ADGB: variants seen among roughly 807,000 people sequenced by gnomAD.
ADGB encodes the protein calpain-7-like protein.
In ADGB, 172 loss-of-function variants were observed where a neutral mutation model predicts 210.5. The observed-to-expected ratio is 0.82, with a 90% confidence interval of 0.72 to 0.93. The LOEUF (loss-of-function observed/expected upper bound fraction) is 0.93, where lower values mean the gene tolerates loss of function less well. Among genes scored for constraint, ADGB ranks in the 40% least tolerant of loss-of-function variants. The probability of loss-of-function intolerance (pLI) is 0.00; values close to 1 mark genes in which losing one functional copy is unlikely to be tolerated. For synonymous variants in ADGB, 658 were observed against 662.7 expected, an observed-to-expected ratio of 0.99 and a Z score of 0.11; for missense variants, 2,025 against 1,964.8, an observed-to-expected ratio of 1.03 and a Z score of -0.58.
intron 26 of ADGB, 50 bp downstream of exon 26, chr6:146,746,159 AT>A: frequency 7.8e-7 from 1 of 1,286,838 alleles, no homozygotes; most frequent in Non-Finnish European, 1.1e-6. Flanking sequence ...AAATATTAAT[AT>A]TTTAGGATAA....
intron 16 of ADGB, among the ~76,000 whole-genome samples, chr6:146,717,862 T>C (rs1287157925): frequency 6.6e-6 from 1 of 152,192 alleles, no homozygotes; most frequent in Non-Finnish European, 1.5e-5. Flanking sequence ...AAATTTGAAT[T>C]ATGAAAAAAT....
At chr6:146,639,983 T>C (rs1375845553) in intron 2 of ADGB, among the ~76,000 whole-genome samples, 1 of 151,890 alleles carries the variant, frequency 6.6e-6, no homozygotes, top group African/African-American at 2.4e-5. Flanking sequence ...GGAGTTGTTT[T>C]TTGAAAAAAT....
intron 27 of ADGB, among the ~76,000 whole-genome samples, chr6:146,763,608 C>T (rs1032312022): frequency 2.2e-4 from 33 of 152,048 alleles, no homozygotes; most frequent in Admixed American, 5.2e-4. Context: ...CAGTGTCTGG[C>T]GTTAGCTTAG....
At chr6:146,807,309 TAAG>T in intron 35 of ADGB, 1 of 1,321,124 alleles carries the variant, frequency 7.6e-7, no homozygotes, top group South Asian at 1.4e-5. Flanking sequence ...TGTGTGGGCA[TAAG>T]GACAGGCTAA....
chr6:146,785,502 T>C (rs1777859792), intron 31 of ADGB, 108 bp from the exon 32 acceptor site: 2 of 735,926 alleles, frequency 2.7e-6, no homozygotes, highest in Admixed American at 4.8e-5. Context: ...CCCTATTTAA[T>C]TCACATTTTC....
chr6:146,753,828 T>A (rs1019232234), intron 27 of ADGB, among the ~76,000 whole-genome samples: 1 of 151,920 alleles, frequency 6.6e-6, no homozygotes, highest in African/African-American at 2.4e-5. Context: ...ATCATAATCA[T>A]AACTTTGTAT....
At chr6:146,750,812 T>C (rs1444551029) in intron 26 of ADGB, among the ~76,000 whole-genome samples, 2 of 152,122 alleles carry the variant, frequency 1.3e-5, no homozygotes, top group African/African-American at 4.8e-5. Context: ...AGCTAATTTC[T>C]CTGTATTTTT....
chr6:146,646,447 C>T (rs1439566099), intron 3 of ADGB, among the ~76,000 whole-genome samples: 1 of 152,044 alleles, frequency 6.6e-6, no homozygotes, highest in Non-Finnish European at 1.5e-5. Context: ...ATAAGAGCCC[C>T]AAACTAAAGT....
In ADGB at chr6:146,740,521, C is replaced by T. The variant is rs1464120729; in HGVS notation, c.2951C>T (p.Thr984Ile). ...ESYPCYQDEE[T>I]KIAFADYTVT... ...TATCCATGCTATCAAGATGAAGAAA[C>T]TAAGATTGCTTTTGCAGATTATACT... Residue 984 changes from threonine (T) to isoleucine (I), a missense_variant, in exon 24 of 36, where the codon ACT becomes ATT. Transcript: ENST00000397944. 1.3e-6 allele frequency: 2 copies of T among 1,549,924 alleles called. No individual in the cohort carries two copies. The highest frequency in any genetic ancestry group is 8.7e-7 in the Non-Finnish European group (1 of 1,145,820).
chr6:146,782,214 T>C (rs1287193334), intron 30 of ADGB, 22 bp downstream of exon 30: 2 of 1,498,668 alleles, frequency 1.3e-6, no homozygotes, highest in South Asian at 1.4e-5. Context: ...ATTTTTTTTA[T>C]TTGAGTGACT....
chr6:146,803,329 C>A (rs1778160317), intron 35 of ADGB: 1 of 1,608,804 alleles, frequency 6.2e-7, no homozygotes, highest in African/African-American at 1.3e-5. Context: ...GAACCAGAAT[C>A]ACTGGAGTTA....
intron 14 of ADGB, among the ~76,000 whole-genome samples, chr6:146,716,599 C>A (rs1308750841): frequency 9.4e-4 from 63 of 66,802 alleles, no homozygotes; most frequent in South Asian, 2.0e-3. Flanking sequence ...GACTCCGTCT[C>A]AAAAAAAAAA....
intron 3 of ADGB, among the ~76,000 whole-genome samples, chr6:146,646,205 T>TAA (rs1775608602): frequency 6.6e-6 from 1 of 152,090 alleles, no homozygotes; most frequent in Non-Finnish European, 1.5e-5. Flanking sequence ...ATTCCCCCTT[T>TAA]CCTTTTTGGG....
rs74467626 is a variant in ADGB at position 146,749,330 on chromosome 6, C to G, written c.3366-3200C>G. ...AGACATTGATTTGGGAGTCATTATTCTGTTACTGCTCATGGAAGTGCCCAG... is the reference window on the plus strand; with the variant it reads ...AGACATTGATTTGGGAGTCATTATTGTGTTACTGCTCATGGAAGTGCCCAG... On this transcript the variant is annotated intron_variant, in intron 26 of 35. Coordinates refer to ENST00000397944, the MANE Select transcript of ADGB (RefSeq NM_024694.4). 4.7e-3 allele frequency among the ~76,000 whole-genome samples: 712 copies of G among 152,200 alleles called. 1 individual carries two copies. Among genetic ancestry groups the G allele is most frequent in the African/African-American group, 0.016 (666 of 41,530 alleles).
intron 3 of ADGB, among the ~76,000 whole-genome samples, chr6:146,645,833 C>T (rs1775602113): frequency 1.3e-5 from 2 of 151,542 alleles, no homozygotes; most frequent in African/African-American, 4.8e-5. Flanking sequence ...TTTTGAATGC[C>T]TACTTATAAG....
chr6:146,627,946 G>A lies in ADGB; in HGVS notation c.75-7429G>A, dbSNP rs1373941069. Among the ~76,000 whole-genome samples the A allele has an allele frequency of 3.9e-5, 6 of 152,006 alleles. No individual in the cohort carries two copies. The East Asian group carries it at 7.7e-4, about 20-fold the overall frequency. ...CTCATCTTTCAGGGACCAATGACCC[G>A]CATCATTTCATGACCATGTCTTTAA... On this transcript the variant is annotated intron_variant, in intron 1 of 35. Transcript: ENST00000397944.
At chr6:146,707,816 A>T (rs1356529652) in intron 13 of ADGB, among the ~76,000 whole-genome samples, 1 of 152,044 alleles carries the variant, frequency 6.6e-6, no homozygotes, top group East Asian at 1.9e-4. Context: ...TTGATTGGAG[A>T]ATCTAATCCA....
At chr6:146,692,495 A>G (rs1776343920) in intron 11 of ADGB, among the ~76,000 whole-genome samples, 1 of 152,144 alleles carries the variant, frequency 6.6e-6, no homozygotes, top group Admixed American at 6.6e-5. Context: ...TTTTTTTAGT[A>G]AAAGACTTTT....
intron 12 of ADGB, among the ~76,000 whole-genome samples, chr6:146,696,198 C>G (rs1776400328): frequency 6.6e-6 from 1 of 151,994 alleles, no homozygotes; most frequent in African/African-American, 2.4e-5. Flanking sequence ...GCATCAGCCT[C>G]CCAAGTAGCT....
Sources: gnomAD v4.1 joint callset for allele counts (sites outside exome capture counted in the v4.1 genomes callset) on GRCh38, gnomAD v4.1.1 for gene constraint, MANE v1.5 for transcripts, NCBI Gene and HGNC (gene_info 2026-07-23, HGNC 2026-07-21) for gene names.